The following BRINP3 variants were observed in gnomAD, a reference collection of about 807,000 sequenced individuals.
The protein encoded by BRINP3 is BMP/retinoic acid inducible neural specific 3.
BRINP3 carries 19 observed loss-of-function variants against 71.0 expected under a neutral mutation model. The observed-to-expected ratio is 0.27, with a 90% CI of 0.19 to 0.39. BRINP3 has a LOEUF of 0.39. Ranked by LOEUF, BRINP3 falls within the 10% of genes least tolerant of loss-of-function variation. The probability of loss-of-function intolerance (pLI) is 1.00; values close to 1 mark genes in which losing one functional copy is unlikely to be tolerated. For missense variants in BRINP3, 959 were observed against 940.8 expected, an observed-to-expected ratio of 1.02 and a Z score of -0.25; for synonymous variants, 380 against 337.7, an observed-to-expected ratio of 1.13 and a Z score of -1.37.
At chr1:190,468,179 C>T (rs1024416763) in intron 1 of BRINP3, among the ~76,000 whole-genome samples, 12 of 151,120 alleles carry the variant, frequency 7.9e-5, no homozygotes, top group African/African-American at 2.7e-4. Flanking sequence ...AAATATATAT[C>T]TAAAATATAG....
chr1:190,301,234 T>C (rs12130449), intron 2 of BRINP3, among the ~76,000 whole-genome samples: 1,748 of 123,324 alleles, frequency 0.014, 38 homozygotes, highest in African/African-American at 0.054. Context: ...TATATATATA[T>C]ACACACATAC....
intron 5 of BRINP3, 105 bp downstream of exon 5, chr1:190,234,267 T>C (rs1052181833): frequency 5.1e-6 from 3 of 590,422 alleles, no homozygotes; most frequent in Non-Finnish European, 8.3e-6. Flanking sequence ...GAGTTTTTAA[T>C]AGCCTGTATG....
intron 2 of BRINP3, among the ~76,000 whole-genome samples, chr1:190,418,096 C>T (rs1399560208): frequency 6.6e-6 from 1 of 152,174 alleles, no homozygotes; most frequent in Non-Finnish European, 1.5e-5. Context: ...GATTTCAGCA[C>T]AGTGACTTGC....
chr1:190,293,061 T>C (rs1208086810), intron 2 of BRINP3, among the ~76,000 whole-genome samples: 4 of 152,092 alleles, frequency 2.6e-5, no homozygotes, highest in Admixed American at 2.6e-4. Context: ...TTCTTTTCTT[T>C]TACTAATTTT....
At chr1:190,258,981 A>G (rs1660925119) in intron 4 of BRINP3, among the ~76,000 whole-genome samples, 1 of 152,152 alleles carries the variant, frequency 6.6e-6, no homozygotes, top group Non-Finnish European at 1.5e-5. Flanking sequence ...GAATAAACCT[A>G]GTGAAGAGAT....
At chr1:190,158,939 A>C (rs542970978) in intron 7 of BRINP3, among the ~76,000 whole-genome samples, 1 of 152,116 alleles carries the variant, frequency 6.6e-6, no homozygotes, top group African/African-American at 2.4e-5. Context: ...CTTAAAGAAT[A>C]GAATTAATTA....
At chr1:190,283,421 A>G (rs1663188480) in intron 2 of BRINP3, among the ~76,000 whole-genome samples, 1 of 151,834 alleles carries the variant, frequency 6.6e-6, no homozygotes, top group Non-Finnish European at 1.5e-5. Flanking sequence ...ATAATTTGCT[A>G]TATTGTCTTT....
chr1:190,455,451 A>G (rs539944237), intron 1 of BRINP3, among the ~76,000 whole-genome samples: 2 of 152,240 alleles, frequency 1.3e-5, no homozygotes, highest in Non-Finnish European at 2.9e-5. Flanking sequence ...AAATATATGT[A>G]TGTATATGTG....
chr1:190,419,877 T>C (rs1040416301), intron 2 of BRINP3, among the ~76,000 whole-genome samples: 48 of 151,566 alleles, frequency 3.2e-4, no homozygotes, highest in Non-Finnish European at 5.9e-5. Context: ...AAAAAAATAC[T>C]CCCAGGTCAA....
intron 2 of BRINP3, among the ~76,000 whole-genome samples, chr1:190,323,987 G>C (rs1666419113): frequency 6.6e-6 from 1 of 151,830 alleles, no homozygotes; most frequent in Non-Finnish European, 1.5e-5. Flanking sequence ...AGGAACACTA[G>C]ATAAAAAATA....
At chr1:190,414,038 C>T (rs1017514473) in intron 2 of BRINP3, among the ~76,000 whole-genome samples, 2 of 152,110 alleles carry the variant, frequency 1.3e-5, no homozygotes, top group African/African-American at 4.8e-5. Context: ...TCATAGGTTA[C>T]AGCAGTCTTG....
rs747713330 is a variant in BRINP3 at position 190,407,085 on chromosome 1, A to G, written c.236+47570T>C. ...GGAAAAACCAAACTAAAAAGCACTC[A>G]ATTTTATAGCAGTTGAAATTGAAAT... On this transcript the variant is annotated intron_variant, in intron 2 of 7. Transcript: ENST00000367462. Among the ~76,000 whole-genome samples the G allele has an allele frequency of 1.8e-3, 269 of 152,268 alleles. 2 individuals are homozygous for G. Among genetic ancestry groups the G allele is most frequent in the Admixed American group, 1.4e-3 (21 of 15,286 alleles).
chr1:190,277,087 T>TTATATATATATATATATA (rs1222129309), intron 3 of BRINP3, among the ~76,000 whole-genome samples: 1,495 of 35,810 alleles, frequency 0.042, 132 homozygotes, highest in Non-Finnish European at 0.062. Flanking sequence ...AATTTTGGTT[T>TTATATATATATATATATA]TATATATATA....
chr1:190,249,180 G>A (rs922158021), intron 4 of BRINP3, among the ~76,000 whole-genome samples: 1 of 151,730 alleles, frequency 6.6e-6, no homozygotes, highest in Non-Finnish European at 1.5e-5. Context: ...AGCTTAAATA[G>A]AACAGCAGTA....
At chr1:190,187,038 T>C (rs1653591360) in intron 6 of BRINP3, among the ~76,000 whole-genome samples, 1 of 152,102 alleles carries the variant, frequency 6.6e-6, no homozygotes, top group African/African-American at 2.4e-5. Context: ...GTGTTAGAAC[T>C]TAGATTCCAA....
chr1:190,284,611 G>T (rs376198758), intron 2 of BRINP3, among the ~76,000 whole-genome samples: 1 of 151,976 alleles, frequency 6.6e-6, no homozygotes, highest in Non-Finnish European at 1.5e-5. Flanking sequence ...GCCTAAGAAG[G>T]CTTCCTGGAC....
At chr1:190,261,026 G>A (rs918883886) in intron 4 of BRINP3, among the ~76,000 whole-genome samples, 2 of 151,830 alleles carry the variant, frequency 1.3e-5, no homozygotes, top group Non-Finnish European at 2.9e-5. Flanking sequence ...CTTTTTAGTA[G>A]AGTCCTATTA....
At chr1:190,156,223 C>A (rs988912270) in intron 7 of BRINP3, among the ~76,000 whole-genome samples, 10 of 151,986 alleles carry the variant, frequency 6.6e-5, no homozygotes, top group African/African-American at 2.4e-4. Context: ...ATCTATCTGT[C>A]ATTATATAGG....
intron 6 of BRINP3, among the ~76,000 whole-genome samples, chr1:190,182,290 C>T (rs1266950704): frequency 1.3e-5 from 2 of 151,946 alleles, no homozygotes; most frequent in Non-Finnish European, 1.5e-5. Context: ...TCTTCATTTT[C>T]CTCTTCTTGC....
Sources: gnomAD v4.1 joint callset for allele counts (sites outside exome capture counted in the v4.1 genomes callset) on GRCh38, gnomAD v4.1.1 for gene constraint, MANE v1.5 for transcripts, NCBI Gene and HGNC (gene_info 2026-07-23, HGNC 2026-07-21) for gene names.